PTPRD: variants seen among roughly 807,000 people sequenced by gnomAD.
PTPRD encodes protein tyrosine phosphatase receptor type D.
Under a neutral mutation model 214.5 loss-of-function variants are expected in PTPRD, and 34 were observed. The ratio of observed to expected loss-of-function variants is 0.16; its 90% CI spans 0.12 to 0.21. The LOEUF is 0.21. Among genes scored for constraint, PTPRD ranks in the 10% least tolerant of loss-of-function variants. The pLI is 1.00. For missense variants in PTPRD, 2,545 were observed against 2,398.7 expected, an observed-to-expected ratio of 1.06 and a Z score of -1.27; for synonymous variants, 1,128 against 845.7, an observed-to-expected ratio of 1.33 and a Z score of -5.79.
intron 3 of PTPRD, among the ~76,000 whole-genome samples, chr9:10,309,104 T>C (rs903631897): frequency 2.6e-5 from 4 of 152,026 alleles, no homozygotes; most frequent in Admixed American, 6.6e-5. Flanking sequence ...TTTTAACAAA[T>C]CCTAAGCAAC....
rs995833673 is a variant in PTPRD, at chr9:8,635,947, T to C, written c.210+752A>G. 6.6e-5 allele frequency among the ~76,000 whole-genome samples: 10 copies of C among 152,224 alleles called. No individual in the cohort carries two copies. The East Asian group carries it at 1.9e-3, about 29-fold the overall frequency. On this transcript the variant is annotated intron_variant, in intron 13 of 45. Coordinates refer to ENST00000381196, the MANE Select transcript of PTPRD (RefSeq NM_002839.4). ...ACTCAAAAAAAGAATCTTTGATTTATGTTTCACCATCTTCGCTGCACTGAG... is the reference window on the plus strand; with the variant it reads ...ACTCAAAAAAAGAATCTTTGATTTACGTTTCACCATCTTCGCTGCACTGAG...
intron 44 of PTPRD, among the ~76,000 whole-genome samples, chr9:8,330,847 G>C (rs1839809300): frequency 6.7e-6 from 1 of 150,000 alleles, no homozygotes; most frequent in African/African-American, 2.5e-5. Context: ...ACTCTCTCAA[G>C]AGTTTCACCA....
In PTPRD at chr9:9,104,554, T is replaced by C. The variant is rs553762403; in HGVS notation, c.-143+78750A>G. 2.6e-5 allele frequency among the ~76,000 whole-genome samples: 4 copies of C among 152,334 alleles called. No homozygotes were observed. In the South Asian group the frequency reaches 8.3e-4, roughly 32 times the overall value. ...TATTTCCAAAGATACTCAAGCCCAC[T>C]GTAATTTTCACTGAATGCCAGTGCT... On this transcript the variant is annotated intron_variant, in intron 10 of 45. Coordinates refer to ENST00000381196, the MANE Select transcript of PTPRD (RefSeq NM_002839.4).
chr9:8,673,096 C>A (rs2097322181), intron 12 of PTPRD, among the ~76,000 whole-genome samples: 1 of 151,860 alleles, frequency 6.6e-6, no homozygotes, highest in Non-Finnish European at 1.5e-5. Flanking sequence ...CACATCTTAC[C>A]ATAGATATTT....
At chr9:10,418,685 G>T (rs539486981) in intron 2 of PTPRD, among the ~76,000 whole-genome samples, 1 of 151,738 alleles carries the variant, frequency 6.6e-6, no homozygotes, top group Non-Finnish European at 1.5e-5. Flanking sequence ...TATTTCCAGG[G>T]CCTAGGTCAC....
chr9:9,920,149 A>G (rs747700390), intron 5 of PTPRD, among the ~76,000 whole-genome samples: 4 of 152,124 alleles, frequency 2.6e-5, no homozygotes, highest in Non-Finnish European at 5.9e-5. Context: ...TGTGTCTTCC[A>G]AAACAGTGTC....
intron 3 of PTPRD, among the ~76,000 whole-genome samples, chr9:10,071,540 G>T (rs1311516966): frequency 6.6e-6 from 1 of 151,996 alleles, no homozygotes; most frequent in African/African-American, 2.4e-5. Context: ...TACCAGAAAT[G>T]GTGCTGAAAT....
chr9:9,630,461 T>G (rs774933450), intron 7 of PTPRD, among the ~76,000 whole-genome samples: 3 of 152,176 alleles, frequency 2.0e-5, no homozygotes, highest in Non-Finnish European at 2.9e-5. Flanking sequence ...GGTACAGCAC[T>G]AGCCTGAAGT....
intron 10 of PTPRD, among the ~76,000 whole-genome samples, chr9:9,164,860 CAA>C (rs1246601983): frequency 6.8e-6 from 1 of 147,198 alleles, no homozygotes; most frequent in Non-Finnish European, 1.5e-5. Context: ...TAAAACAAAA[CAA>C]AACAAAACAA....
At chr9:9,704,627 A>G (rs777159739) in intron 7 of PTPRD, among the ~76,000 whole-genome samples, 3 of 152,206 alleles carry the variant, frequency 2.0e-5, no homozygotes, top group Non-Finnish European at 4.4e-5. Context: ...AGAATATTTC[A>G]CAATAATTAT....
intron 7 of PTPRD, among the ~76,000 whole-genome samples, chr9:9,625,724 C>A (rs1241748261): frequency 6.6e-6 from 1 of 152,008 alleles, no homozygotes; most frequent in Admixed American, 6.6e-5. Flanking sequence ...AATTATGAGG[C>A]CATTATGGGA....
intron 4 of PTPRD, among the ~76,000 whole-genome samples, chr9:9,960,048 A>C (rs970941613): frequency 6.6e-6 from 1 of 152,196 alleles, no homozygotes; most frequent in Non-Finnish European, 1.5e-5. Flanking sequence ...ACTGGTTTCT[A>C]ATAACATTCT....
intron 3 of PTPRD, among the ~76,000 whole-genome samples, chr9:10,302,242 G>A (rs1031689287): frequency 1.3e-5 from 2 of 152,188 alleles, no homozygotes; most frequent in South Asian, 2.1e-4. Context: ...CACCAGGCTT[G>A]CCTTACAAGA....
At chr9:10,482,137 C>A (rs887853565) in intron 2 of PTPRD, among the ~76,000 whole-genome samples, 12 of 151,958 alleles carry the variant, frequency 7.9e-5, no homozygotes, top group Non-Finnish European at 1.3e-4. Flanking sequence ...TTTGGGAGGC[C>A]CAGGCGGGAG....
At chr9:10,414,332 GA>G (rs1299584593) in intron 2 of PTPRD, among the ~76,000 whole-genome samples, 3 of 151,888 alleles carry the variant, frequency 2.0e-5, no homozygotes, top group African/African-American at 7.2e-5. Flanking sequence ...ACAAGCACAT[GA>G]AAAAAGCTCA....
chr9:10,475,808 G>A (rs1285076600), intron 2 of PTPRD, among the ~76,000 whole-genome samples: 1 of 152,042 alleles, frequency 6.6e-6, no homozygotes, highest in Admixed American at 6.6e-5. Context: ...TCCCCAGGAT[G>A]CAAGGCTGGT....
chr9:8,935,907 A>G (rs2098993583), intron 11 of PTPRD, among the ~76,000 whole-genome samples: 1 of 152,104 alleles, frequency 6.6e-6, no homozygotes, highest in African/African-American at 2.4e-5. Flanking sequence ...TTGTGTCTCC[A>G]AATATTGCTG....
intron 11 of PTPRD, among the ~76,000 whole-genome samples, chr9:8,859,565 G>T (rs1327915177): frequency 6.6e-6 from 1 of 152,124 alleles, no homozygotes; most frequent in Non-Finnish European, 1.5e-5. Flanking sequence ...ACTTATCCCT[G>T]CAGACTCCGG....
At chr9:9,230,366 G>T (rs1482543007) in intron 9 of PTPRD, among the ~76,000 whole-genome samples, 1 of 152,116 alleles carries the variant, frequency 6.6e-6, no homozygotes, top group Non-Finnish European at 1.5e-5. Context: ...GCGTACCCAG[G>T]TAGGATATGC....
Sources: gnomAD v4.1 joint callset for allele counts (sites outside exome capture counted in the v4.1 genomes callset) on GRCh38, gnomAD v4.1.1 for gene constraint, MANE v1.5 for transcripts, NCBI Gene and HGNC (gene_info 2026-07-23, HGNC 2026-07-21) for gene names.